HDGFL2: variants seen among roughly 807,000 people sequenced by gnomAD.
HDGFL2 encodes HDGF like 2.
HDGFL2 carries 36 observed loss-of-function variants against 77.1 expected under a neutral mutation model. The observed-to-expected ratio is 0.47, with a 90% CI of 0.36 to 0.62. HDGFL2 has a LOEUF of 0.62. Among genes scored for constraint, HDGFL2 ranks in the 20% least tolerant of loss-of-function variants. HDGFL2 has a pLI of 0.00. For missense variants in HDGFL2, 976 were observed against 973.4 expected (o/e 1.00, Z -0.04); for synonymous variants, 463 against 413.1 (o/e 1.12, Z -1.46).
At chr19:4,498,583 G>A (rs542017755) in intron 12 of HDGFL2, among the ~76,000 whole-genome samples, 8 of 152,160 alleles carry the variant, frequency 5.3e-5, no homozygotes, top group East Asian at 1.9e-4. Flanking sequence ...CAGCTTTCCC[G>A]GCAGGTGGTG....
rs147467049 is a variant in HDGFL2, at chr19:4,486,203, G to T, written c.289-2473G>T. Among the ~76,000 whole-genome samples, 924 of 152,216 alleles carry T rather than the reference G, an allele frequency of 6.1e-3. 3 individuals are homozygous for T. The highest frequency in any genetic ancestry group is 0.027 in the Middle Eastern group (8 of 294). On this transcript the variant is annotated intron_variant, in intron 3 of 15. Coordinates refer to ENST00000616600, the MANE Select transcript of HDGFL2 (RefSeq NM_001001520.3). ...CTGGCCTGTGTGCTGCTTGGTGCCTGTGCTGGGAGCTGTGGCAGCACAGCT... is the reference window on the plus strand; with the variant it reads ...CTGGCCTGTGTGCTGCTTGGTGCCTTTGCTGGGAGCTGTGGCAGCACAGCT...
intron 3 of HDGFL2, among the ~76,000 whole-genome samples, chr19:4,480,889 C>T (rs1159137685): frequency 6.6e-6 from 1 of 151,752 alleles, no homozygotes; most frequent in Non-Finnish European, 1.5e-5. Flanking sequence ...CTGAGTCTCA[C>T]TCTGTTGCCC....
At position 4,494,311 on chromosome 19, in the gene HDGFL2, C is replaced by A; in HGVS notation, c.1060C>A (p.Arg354Ser). ...EQEKEEKERR[R>S]ERADRGEAER... is the part of the protein sequence containing the mutation. Reference sequence around the variant, plus strand: ...GGAGAAGGAGGAGAAGGAGCGGAGGCGCGAGCGGGCCGACCGCGGGGAGGC... The same window carrying A: ...GGAGAAGGAGGAGAAGGAGCGGAGGAGCGAGCGGGCCGACCGCGGGGAGGC... Residue 354 changes from arginine to serine, a missense_variant, in exon 9 of 16, where the codon CGC becomes AGC. Arg to Ser is a moderately radical substitution (Grantham distance 110). This residue lies in a region of HDGFL2 where 567 missense variants were observed against 534.7 expected (regional missense o/e 1.06). Coordinates refer to ENST00000616600, the MANE Select transcript of HDGFL2 (RefSeq NM_001001520.3). The A allele has an allele frequency of 7.0e-7, 1 of 1,427,910 alleles. No homozygotes were observed. 88.5% of individuals were successfully genotyped at this position (1,427,910 alleles called of 1,614,324 possible). A position where few individuals can be genotyped will look rare whatever the true frequency, so the allele number is the denominator to read the frequency against.
intron 6 of HDGFL2, 101 bp from the exon 7 acceptor site, chr19:4,493,602 G>A (rs1430110607): frequency 2.3e-6 from 3 of 1,286,478 alleles, no homozygotes; most frequent in Non-Finnish European, 3.0e-6. Flanking sequence ...GGCCCGCAGA[G>A]CCTGGCGGCT....
chr19:4,492,683 CTGTGGTGTGTGGTATGTGTTGTCTGTG>C, intron 6 of HDGFL2, among the ~76,000 whole-genome samples: 1 of 134,558 alleles, frequency 7.4e-6, no homozygotes, highest in Non-Finnish European at 1.6e-5. Flanking sequence ...TGTGTGTTGT[CTGTGGTGTGTGGTATGTGTTGTCTGTG>C]TGTGGTGTGT....
At chr19:4,481,230 G>A (rs1373646303) in intron 3 of HDGFL2, among the ~76,000 whole-genome samples, 7 of 112,818 alleles carry the variant, frequency 6.2e-5, no homozygotes, top group East Asian at 5.4e-4. Context: ...TTGCTCTGTC[G>A]CCCAGGCTGG....
Position 4,491,849 on chromosome 19 carries a change from G to C in HDGFL2, c.678+14G>C, listed in dbSNP as rs1267627525. 2 of 1,611,970 alleles carry C rather than the reference G, an allele frequency of 1.2e-6. No homozygotes were observed. The highest frequency in any genetic ancestry group is 2.7e-5 in the African/African-American group (2 of 74,886). On this transcript the variant is annotated intron_variant, in intron 6 of 15. Transcript: ENST00000616600. ...CGGAAAAAAAAGGTAGCGTGCACTT[G>C]ACTTTGTTTCCCATGCCCACTCGTG...
chr19:4,472,936 G>T (rs1218475740), intron 1 of HDGFL2, among the ~76,000 whole-genome samples: 1 of 151,534 alleles, frequency 6.6e-6, no homozygotes, highest in African/African-American at 2.4e-5. Flanking sequence ...GCGCCTAGGG[G>T]TTCTGAGGGT....
Position 4,501,316 on chromosome 19 carries a change from G to C in HDGFL2, c.1915G>C (p.Asp639His). 1 of 1,596,012 alleles carries C rather than the reference G, an allele frequency of 6.3e-7. No individual in the cohort carries two copies. The highest frequency in any genetic ancestry group is 1.1e-5 in the South Asian group (1 of 88,688). The change falls in exon 15 of 16, where the codon GAC becomes CAC. Residue 639 changes from aspartate to histidine, a missense_variant and splice_region_variant. Physicochemically the swap from Asp to His is moderately conservative, Grantham distance 81 (BLOSUM62 -1). Coordinates refer to ENST00000616600, the MANE Select transcript of HDGFL2 (RefSeq NM_001001520.3). ...GTGTGGCTCCTCTGAAGACCTGCAC[G>C]AGTGAGTGTCCCGGGCCGTGGGGTT... ...PRCGSSEDLH[D>H]SVREGPDLDR...
intron 6 of HDGFL2, among the ~76,000 whole-genome samples, chr19:4,492,812 T>C (rs1975558019): frequency 1.4e-5 from 2 of 140,330 alleles, no homozygotes; most frequent in Non-Finnish European, 3.1e-5. Context: ...CTGTGTGTTA[T>C]GTGTGGTCTG....
At chr19:4,498,209 T>C in intron 11 of HDGFL2, 97 bp from the exon 12 acceptor site, 1 of 1,288,160 alleles carries the variant, frequency 7.8e-7, no homozygotes, top group Non-Finnish European at 1.1e-6. Context: ...GGGGCCCCCA[T>C]GACAAATCCT....
At chr19:4,473,483 G>T (rs1224976618) in intron 1 of HDGFL2, among the ~76,000 whole-genome samples, 1 of 151,878 alleles carries the variant, frequency 6.6e-6, no homozygotes, top group African/African-American at 2.4e-5. Flanking sequence ...AGGGCTCAAG[G>T]TTCAAGTTTG....
chr19:4,476,385 G>T (rs1459832298), intron 3 of HDGFL2, among the ~76,000 whole-genome samples: 1 of 150,930 alleles, frequency 6.6e-6, no homozygotes, highest in Non-Finnish European at 1.5e-5. Flanking sequence ...TAGAGACAGG[G>T]TTTCACCATG....
In HDGFL2 at chr19:4,499,674, C is replaced by A; in HGVS notation, c.1759C>A (p.Gln587Lys). The A allele has an allele frequency of 6.4e-7, 1 of 1,559,978 alleles. No individual in the cohort carries two copies. Among genetic ancestry groups the A allele is most frequent in the Non-Finnish European group, 8.7e-7 (1 of 1,147,666 alleles). Residue 587 changes from glutamine (Q) to lysine (K), a missense_variant, in exon 14 of 16, where the codon CAG (glutamine) becomes AAG (lysine). Coordinates refer to ENST00000616600, the MANE Select transcript of HDGFL2 (RefSeq NM_001001520.3). The stretch of plus-strand genomic sequence containing the variant: ...GGAGCTGGCCGGGGAGGAGGCCCCC[C>A]AGGAGAAGGCGGAGGACAAGCCCAG... The part of the protein sequence containing the change: ...GEELAGEEAP[Q>K]EKAEDKPSTD...
At chr19:4,494,883 G>T (rs1362190519) in intron 9 of HDGFL2, among the ~76,000 whole-genome samples, 1 of 152,070 alleles carries the variant, frequency 6.6e-6, no homozygotes, top group Non-Finnish European at 1.5e-5. Flanking sequence ...TCAATCCACT[G>T]CACTCCAGCC....
In HDGFL2 at chr19:4,491,701, G is replaced by C. The variant is rs1241237789; in HGVS notation, c.606+19G>C. Reference sequence around the variant, plus strand: ...CGACCAGGTGGGCCAGTGGCTCCTTGGGATGGCAGGGAAGCGTGGTGGCTG... The same window carrying C: ...CGACCAGGTGGGCCAGTGGCTCCTTCGGATGGCAGGGAAGCGTGGTGGCTG... On this transcript the variant is annotated intron_variant, in intron 5 of 15. Coordinates refer to ENST00000616600, the MANE Select transcript of HDGFL2 (RefSeq NM_001001520.3). 6.2e-7 allele frequency: 1 copy of C among 1,613,510 alleles called. No individual in the cohort carries two copies. Among genetic ancestry groups the C allele is most frequent in the Non-Finnish European group, 8.5e-7 (1 of 1,179,626 alleles).
chr19:4,492,522 G>A (rs1352329262), intron 6 of HDGFL2, among the ~76,000 whole-genome samples: 1 of 151,926 alleles, frequency 6.6e-6, no homozygotes, highest in Admixed American at 6.6e-5. Context: ...GTCTGTGTTT[G>A]TGTGTCTGTG....
In HDGFL2 at chr19:4,501,291, G is replaced by A; in HGVS notation, c.1890G>A (p.Arg630=). Residue 630 remains arginine, a synonymous_variant, in exon 15 of 16, where the codon AGG becomes AGA. Transcript: ENST00000616600. The stretch of plus-strand genomic sequence containing the variant: ...GTCGGGACTCGGAGGAGGGGCCAAG[G>A]TGTGGCTCCTCTGAAGACCTGCACG... The part of the protein sequence containing the change: ...EEGRDSEEGP[R]CGSSEDLHDS... 1 of 1,609,118 alleles carries A rather than the reference G, an allele frequency of 6.2e-7. No homozygotes were observed.
At chr19:4,497,023 C>T (rs560817551) in intron 10 of HDGFL2, 24 of 385,290 alleles carry the variant, frequency 6.2e-5, no homozygotes, top group African/African-American at 1.3e-4. Flanking sequence ...TACAGGCACC[C>T]GCCACCACGC....
Sources: gnomAD v4.1 joint callset for allele counts (sites outside exome capture counted in the v4.1 genomes callset) on GRCh38, gnomAD v4.1.1 for gene constraint, gnomAD v4.1.1 regional missense constraint, MANE v1.5 for transcripts, NCBI Gene and HGNC (gene_info 2026-07-23, HGNC 2026-07-21) for gene names.